FSTL5: variants seen among roughly 807,000 people sequenced by gnomAD.
The protein encoded by FSTL5 is follistatin like 5, also known as follistatin-related protein 5.
FSTL5 carries 62 observed loss-of-function variants against 89.1 expected under a neutral mutation model. The ratio of observed to expected loss-of-function variants is 0.70; its 90% CI spans 0.57 to 0.86. The LOEUF (loss-of-function observed/expected upper bound fraction) is 0.86. Among genes scored for constraint, FSTL5 ranks in the 40% least tolerant of loss-of-function variants. The probability of loss-of-function intolerance (pLI) is 0.00; values close to 1 mark genes in which losing one functional copy is unlikely to be tolerated. For missense variants in FSTL5, 1,057 were observed against 1,001.6 expected, an observed-to-expected ratio of 1.06 and a Z score of -0.75; for synonymous variants, 383 against 346.2, an observed-to-expected ratio of 1.11 and a Z score of -1.18.
At position 161,880,225 on chromosome 4, in the gene FSTL5, A is replaced by G. The variant is rs538090570; in HGVS notation, c.409+40179T>C. Among the ~76,000 whole-genome samples the G allele has an allele frequency of 9.9e-5, 15 of 152,254 alleles. No homozygotes were observed. The South Asian group carries it at 2.5e-3, about 25-fold the overall frequency. The stretch of plus-strand genomic sequence containing the variant: ...ATTTAATCCTTGGGTGTTCCATGAT[A>G]TAGTCATTTGTGACATTTTGATGAA... On this transcript the variant is annotated intron_variant, in intron 4 of 15. Coordinates refer to ENST00000306100, the MANE Select transcript of FSTL5 (RefSeq NM_020116.5).
At chr4:162,130,384 T>C (rs74655366) in intron 1 of FSTL5, among the ~76,000 whole-genome samples, 7,450 of 152,172 alleles carry the variant, frequency 0.049, 370 homozygotes, top group African/African-American at 0.12. Context: ...AACAAGAATG[T>C]TGTGTTTCCT....
chr4:162,025,997 T>C (rs528317330), intron 3 of FSTL5, among the ~76,000 whole-genome samples: 1 of 151,736 alleles, frequency 6.6e-6, no homozygotes, highest in Admixed American at 6.6e-5. Flanking sequence ...CAAGCAAATA[T>C]ACTCTTTTAT....
At chr4:161,953,857 C>G (rs1357500024) in intron 3 of FSTL5, among the ~76,000 whole-genome samples, 1 of 151,560 alleles carries the variant, frequency 6.6e-6, no homozygotes. Flanking sequence ...TTGGTAAATT[C>G]TGGTAACAGC....
At chr4:161,511,731 G>A (rs1730659915) in intron 10 of FSTL5, among the ~76,000 whole-genome samples, 1 of 151,928 alleles carries the variant, frequency 6.6e-6, no homozygotes, top group Admixed American at 6.6e-5. Flanking sequence ...TATAGACATA[G>A]GAGGAAAGAG....
At chr4:161,665,095 C>T (rs532433265) in intron 6 of FSTL5, among the ~76,000 whole-genome samples, 133 of 152,266 alleles carry the variant, frequency 8.7e-4, no homozygotes, top group African/African-American at 3.1e-3. Context: ...CCATGTCAGT[C>T]ACTTAACAAT....
chr4:162,025,935 T>C (rs1348800905), intron 3 of FSTL5, among the ~76,000 whole-genome samples: 1 of 151,874 alleles, frequency 6.6e-6, no homozygotes, highest in Admixed American at 6.6e-5. Flanking sequence ...ATACTTAAAA[T>C]GCACTTAACT....
At chr4:161,505,759 A>T (rs1247827041) in intron 11 of FSTL5, among the ~76,000 whole-genome samples, 3 of 152,182 alleles carry the variant, frequency 2.0e-5, no homozygotes, top group Non-Finnish European at 4.4e-5. Context: ...GTACATGTGC[A>T]CATATATAGA....
At chr4:161,974,307 C>T (rs1735569570) in intron 3 of FSTL5, among the ~76,000 whole-genome samples, 1 of 151,930 alleles carries the variant, frequency 6.6e-6, no homozygotes, top group South Asian at 2.1e-4. Flanking sequence ...CCAAGTAAGC[C>T]AAAAGAACAA....
At chr4:162,095,932 C>T (rs1008086260) in intron 2 of FSTL5, among the ~76,000 whole-genome samples, 2 of 151,822 alleles carry the variant, frequency 1.3e-5, no homozygotes, top group Non-Finnish European at 2.9e-5. Context: ...TGTGTGAAAT[C>T]TTTATCTACC....
intron 8 of FSTL5, among the ~76,000 whole-genome samples, chr4:161,570,161 G>A (rs1378196336): frequency 6.6e-6 from 1 of 152,132 alleles, no homozygotes; most frequent in Non-Finnish European, 1.5e-5. Flanking sequence ...TTTGTAGAAG[G>A]TGAAAAAACT....
intron 6 of FSTL5, among the ~76,000 whole-genome samples, chr4:161,668,735 C>T (rs1298280618): frequency 6.6e-6 from 1 of 152,190 alleles, no homozygotes; most frequent in South Asian, 2.1e-4. Flanking sequence ...TAAATGTACT[C>T]ATCACATCAA....
intron 11 of FSTL5, among the ~76,000 whole-genome samples, chr4:161,502,653 GACTAGATATTTTGCC>G (rs1205804040): frequency 6.6e-6 from 1 of 151,718 alleles, no homozygotes; most frequent in Non-Finnish European, 1.5e-5. Context: ...TCATTCATAA[GACTAGATATTTTGCC>G]ATTTACATTT....
intron 3 of FSTL5, among the ~76,000 whole-genome samples, chr4:161,968,437 T>C (rs1475443714): frequency 6.6e-6 from 1 of 152,146 alleles, no homozygotes; most frequent in Non-Finnish European, 1.5e-5. Flanking sequence ...AGTTTTGATT[T>C]ATAAATCAAA....
chr4:161,386,616 C>G (rs1205988714), intron 15 of FSTL5, 167 bp from the exon 16 acceptor site: 1 of 576,300 alleles, frequency 1.7e-6, no homozygotes, highest in African/African-American at 1.9e-5. Flanking sequence ...TGCCACTCTC[C>G]TTCTTTCTCT....
intron 6 of FSTL5, among the ~76,000 whole-genome samples, chr4:161,675,250 CTATAAAAATGATAAATACATTTGTTATTT>C (rs1205660162): frequency 6.6e-6 from 1 of 151,494 alleles, no homozygotes; most frequent in Admixed American, 6.6e-5. Context: ...GTTATTCTTT[CTATAAAAATGATAAATACATTTGTTATTT>C]TATCTTTGAA....
At chr4:161,714,792 A>G (rs1328189926) in intron 6 of FSTL5, among the ~76,000 whole-genome samples, 1 of 152,210 alleles carries the variant, frequency 6.6e-6, no homozygotes, top group Non-Finnish European at 1.5e-5. Flanking sequence ...TTATAGAAGC[A>G]AAGAGGTGCA....
intron 15 of FSTL5, among the ~76,000 whole-genome samples, chr4:161,416,680 A>G (rs555728386): frequency 5.3e-5 from 8 of 151,512 alleles, no homozygotes; most frequent in Admixed American, 2.0e-4. Flanking sequence ...CCATCTCTAC[A>G]AAAAATAACA....
intron 2 of FSTL5, among the ~76,000 whole-genome samples, chr4:162,055,536 T>G (rs1329146495): frequency 6.6e-6 from 1 of 150,950 alleles, no homozygotes; most frequent in Non-Finnish European, 1.5e-5. Context: ...GATAGATAGA[T>G]AGATAGATAG....
intron 15 of FSTL5, among the ~76,000 whole-genome samples, chr4:161,417,032 A>C (rs1731812231): frequency 6.6e-6 from 1 of 152,090 alleles, no homozygotes; most frequent in African/African-American, 2.4e-5. Context: ...TTGGGTTTTT[A>C]TTTAGAAGAC....
Sources: gnomAD v4.1 joint callset for allele counts (sites outside exome capture counted in the v4.1 genomes callset) on GRCh38, gnomAD v4.1.1 for gene constraint, MANE v1.5 for transcripts, NCBI Gene and HGNC (gene_info 2026-07-23, HGNC 2026-07-21) for gene names.